Variants in CALN1 observed in about 807,000 individuals in gnomAD.
The protein encoded by CALN1 is calcium-binding protein 8.
Under a neutral mutation model 30.6 loss-of-function variants are expected in CALN1, and 17 were observed. The ratio of observed to expected loss-of-function variants is 0.56; its 90% CI spans 0.38 to 0.83. The LOEUF is 0.83. Ranked by LOEUF, CALN1 falls within the 40% of genes least tolerant of loss-of-function variation. The pLI is 0.00. For missense variants in CALN1, 291 were observed against 354.9 expected (o/e 0.82, Z 1.45); for synonymous variants, 156 against 131.4 (o/e 1.19, Z -1.28).
chr7:72,265,769 G>A (rs1458016189), intron 3 of CALN1, among the ~76,000 whole-genome samples: 1 of 151,962 alleles, frequency 6.6e-6, no homozygotes, highest in African/African-American at 2.4e-5. Flanking sequence ...CTCATGCAGG[G>A]TTCTTAGAAA....
At chr7:72,391,929 G>A (rs561174176) in intron 2 of CALN1, among the ~76,000 whole-genome samples, 119 of 152,278 alleles carry the variant, frequency 7.8e-4, no homozygotes, top group African/African-American at 2.7e-3. Flanking sequence ...CTGTTGAGAT[G>A]TGGTGTCTAT....
chr7:71,884,167 C>T (rs191124708), intron 5 of CALN1, among the ~76,000 whole-genome samples: 136 of 152,260 alleles, frequency 8.9e-4, no homozygotes, highest in Middle Eastern at 3.4e-3. Context: ...TCCCCCTCGG[C>T]CTCCCAAAGT....
upstream of CALN1, among the ~76,000 whole-genome samples, chr7:72,412,644 G>A (rs1481295660): frequency 6.6e-6 from 1 of 152,200 alleles, no homozygotes; most frequent in Non-Finnish European, 1.5e-5. Flanking sequence ...ACTGCTGGAG[G>A]AGCAGCCCCA....
rs529791949 is a variant in CALN1, at chr7:72,389,650, T to C, written c.119+13601A>G. Among the ~76,000 whole-genome samples, 7 of 152,308 alleles carry C rather than the reference T, an allele frequency of 4.6e-5. No individual in the cohort carries two copies. The South Asian group carries it at 1.5e-3, about 32-fold the overall frequency. ...TCAAATACCAAGGGGCTGAGCTTGG[T>C]GGCTTGTGCCTGTAATCCCAACACT... On this transcript the variant is annotated intron_variant, in intron 2 of 6. Transcript: ENST00000395275.
intron 3 of CALN1, among the ~76,000 whole-genome samples, chr7:72,267,958 G>A (rs1796703014): frequency 6.6e-6 from 1 of 152,198 alleles, no homozygotes; most frequent in African/African-American, 2.4e-5. Flanking sequence ...AGTGAGCTAT[G>A]ATCGTGCCAC....
chr7:72,441,595 C>T (rs1808344562), intron 1 of CALN1, among the ~76,000 whole-genome samples: 1 of 73,584 alleles, frequency 1.4e-5, no homozygotes, highest in Non-Finnish European at 2.6e-5. Flanking sequence ...GACACTCCGT[C>T]TCAAAAAAAA....
chr7:72,228,537 A>T (rs1271985281), intron 3 of CALN1, among the ~76,000 whole-genome samples: 3 of 151,814 alleles, frequency 2.0e-5, no homozygotes, highest in Non-Finnish European at 4.4e-5. Context: ...TTATTTTTAA[A>T]AATACTCCAG....
At chr7:72,048,725 TTTCCTTCCTTTCTTCTCTGCCTCC>T (rs1802645130) in intron 4 of CALN1, among the ~76,000 whole-genome samples, 1 of 151,400 alleles carries the variant, frequency 6.6e-6, no homozygotes, top group South Asian at 2.1e-4. Context: ...TTCCCTCTTC[TTTCCTTCCTTTCTTCTCTGCCTCC>T]TTCCTTCCTT....
chr7:72,185,180 A>C (rs1790091941), intron 3 of CALN1, among the ~76,000 whole-genome samples: 1 of 152,058 alleles, frequency 6.6e-6, no homozygotes, highest in African/African-American at 2.4e-5. Flanking sequence ...CCTCTGGGCC[A>C]ATCAGCTCAC....
At chr7:72,184,386 T>C (rs1361378424) in intron 3 of CALN1, among the ~76,000 whole-genome samples, 1 of 152,226 alleles carries the variant, frequency 6.6e-6, no homozygotes, top group Non-Finnish European at 1.5e-5. Flanking sequence ...CTCTCTCATG[T>C]TGTAAGCATT....
At chr7:72,461,103 G>A in the CALN1 span, among the ~76,000 whole-genome samples, 1 of 152,112 alleles carries the variant, frequency 6.6e-6, no homozygotes, top group Non-Finnish European at 1.5e-5. Flanking sequence ...GCCTCATGAG[G>A]GGGCATGACA....
intron 2 of CALN1, among the ~76,000 whole-genome samples, chr7:72,365,101 T>A (rs1803804099): frequency 6.6e-6 from 1 of 152,138 alleles, no homozygotes; most frequent in South Asian, 2.1e-4. Flanking sequence ...GGTCAGGAGT[T>A]CGAGATCAGC....
intron 1 of CALN1, among the ~76,000 whole-genome samples, chr7:72,439,039 T>G (rs1808264003): frequency 6.6e-6 from 1 of 152,098 alleles, no homozygotes; most frequent in Non-Finnish European, 1.5e-5. Flanking sequence ...TGCATACGAC[T>G]TTTTCTTTTT....
rs534405850 is a variant in CALN1, at chr7:72,021,185, G to C, written c.501+2472C>G. ...AGCCACTTGGAAGGCTGAAGTGGGA[G>C]GATCACTTGAGTCCAGGAGTTCAAG... On this transcript the variant is annotated intron_variant, in intron 5 of 6. Coordinates refer to ENST00000395275, the MANE Select transcript of CALN1 (RefSeq NM_031468.4). Among the ~76,000 whole-genome samples the C allele has an allele frequency of 2.5e-4, 38 of 152,210 alleles. 1 individual carries two copies. The South Asian group carries it at 7.9e-3, about 32-fold the overall frequency.
chr7:71,898,998 T>C (rs1435006368), intron 5 of CALN1, among the ~76,000 whole-genome samples: 1 of 152,184 alleles, frequency 6.6e-6, no homozygotes, highest in East Asian at 1.9e-4. Context: ...GCTAAGAGAC[T>C]AAGGTTCAAT....
chr7:72,432,179 T>G (rs1585722667), intron 1 of CALN1, among the ~76,000 whole-genome samples: 1 of 152,034 alleles, frequency 6.6e-6, no homozygotes, highest in African/African-American at 2.4e-5. Context: ...TCATAGTGAG[T>G]GAGTCTCATG....
intron 3 of CALN1, among the ~76,000 whole-genome samples, chr7:72,246,571 G>C (rs1395830448): frequency 6.6e-6 from 1 of 152,098 alleles, no homozygotes; most frequent in Non-Finnish European, 1.5e-5. Context: ...TCTTTCGAGA[G>C]AATGTTTTGC....
intron 4 of CALN1, among the ~76,000 whole-genome samples, chr7:72,048,905 G>A (rs949032662): frequency 1.3e-5 from 2 of 151,804 alleles, no homozygotes; most frequent in Non-Finnish European, 2.9e-5. Flanking sequence ...CAACATTTTC[G>A]GCCCAAGCAA....
At chr7:72,337,658 G>C (rs924307779) in intron 2 of CALN1, 1 of 152,604 alleles carries the variant, frequency 6.6e-6, no homozygotes, top group Admixed American at 6.5e-5. Flanking sequence ...TGAGCCCAGG[G>C]GGAAGGCGGG....
Sources: gnomAD v4.1 joint callset for allele counts (sites outside exome capture counted in the v4.1 genomes callset) on GRCh38, gnomAD v4.1.1 for gene constraint, MANE v1.5 for transcripts, NCBI Gene and HGNC (gene_info 2026-07-23, HGNC 2026-07-21) for gene names.